The following PHLPP1 variants were observed in gnomAD, a reference collection of about 807,000 sequenced individuals.
PHLPP1 encodes the protein PH domain and leucine rich repeat protein phosphatase 1, also known as PH domain leucine-rich repeat-containing protein phosphatase 1.
PHLPP1 carries 42 observed loss-of-function variants against 117.2 expected under a neutral mutation model. The observed-to-expected ratio is 0.36, with a 90% CI of 0.28 to 0.46. PHLPP1 has a LOEUF of 0.46. Among genes scored for constraint, PHLPP1 ranks in the 20% least tolerant of loss-of-function variants. The probability of loss-of-function intolerance (pLI) is 1.00; values close to 1 mark genes in which losing one functional copy is unlikely to be tolerated. For synonymous variants in PHLPP1, 1,042 were observed against 970.7 expected (o/e 1.07, Z -1.37); for missense variants, 2,084 against 2,241.9 (o/e 0.93, Z 1.42).
At chr18:62,871,652 T>TTG (rs1915906875) in intron 4 of PHLPP1, among the ~76,000 whole-genome samples, 1 of 149,636 alleles carries the variant, frequency 6.7e-6, no homozygotes, top group Non-Finnish European at 1.5e-5. Context: ...AAATTTTTTT[T>TTG]TTTTTTTTTT....
At chr18:62,775,909 TC>T in intron 1 of PHLPP1, among the ~76,000 whole-genome samples, 1 of 152,244 alleles carries the variant, frequency 6.6e-6, no homozygotes, top group South Asian at 2.1e-4. Flanking sequence ...CACTAGAGAT[TC>T]GTTTGCATTT....
chr18:62,851,675 G>C (rs1915353991), intron 3 of PHLPP1, among the ~76,000 whole-genome samples: 1 of 151,968 alleles, frequency 6.6e-6, no homozygotes, highest in East Asian at 1.9e-4. Context: ...TGGTCAGACT[G>C]GTCTCAAACT....
intron 1 of PHLPP1, among the ~76,000 whole-genome samples, chr18:62,746,913 G>T (rs563750192): frequency 2.7e-4 from 41 of 152,138 alleles, no homozygotes; most frequent in African/African-American, 8.2e-4. Flanking sequence ...AAATTCAAAT[G>T]TATCTAATGG....
intron 1 of PHLPP1, among the ~76,000 whole-genome samples, chr18:62,735,151 C>T (rs916313241): frequency 2.0e-4 from 30 of 151,868 alleles, no homozygotes; most frequent in African/African-American, 5.3e-4. Context: ...CTCAAGGCAT[C>T]CTTCCACCTC....
At chr18:62,850,187 A>C (rs187375989) in intron 3 of PHLPP1, among the ~76,000 whole-genome samples, 1 of 151,344 alleles carries the variant, frequency 6.6e-6, no homozygotes, top group South Asian at 2.1e-4. Flanking sequence ...CAGGAGTTTG[A>C]GACCAGCCTG....
rs746927706 is a variant in PHLPP1, at chr18:62,716,910, G to A, written c.1227G>A (p.Thr409=). The part of the protein sequence containing the change: ...HPAQPLPLPQ[T]ASSPQPQQKA... ...CGCAGCCCCTCCCGCTTCCCCAGAC[G>A]GCTTCCTCGCCTCAGCCGCAGCAGA... The change falls in exon 1 of 17, where the codon ACG becomes ACA. Residue 409 remains threonine (T), a synonymous_variant. Coordinates refer to ENST00000262719, the MANE Select transcript of PHLPP1 (RefSeq NM_194449.4). The surrounding 1 kb of genome is among the most constrained non-coding windows in gnomAD (Gnocchi z 5.7). 1,015 of 1,532,408 alleles carry A rather than the reference G, an allele frequency of 6.6e-4. 2 individuals carry two copies. The highest frequency in any genetic ancestry group is 8.4e-4 in the Non-Finnish European group (965 of 1,144,978). The allele number at this position is 1,532,408 out of a possible 1,614,324, so 94.9% of individuals were successfully genotyped here. A position where few individuals can be genotyped will look rare whatever the true frequency, so the allele number is the denominator to read the frequency against.
chr18:62,790,243 T>C (rs1913418015), intron 1 of PHLPP1, among the ~76,000 whole-genome samples: 1 of 152,146 alleles, frequency 6.6e-6, no homozygotes, highest in Non-Finnish European at 1.5e-5. Flanking sequence ...AAAAGACCTC[T>C]AAGCAGCCCA....
chr18:62,973,182 C>G (rs1413295569), intron 15 of PHLPP1, among the ~76,000 whole-genome samples: 3 of 152,196 alleles, frequency 2.0e-5, no homozygotes, highest in Non-Finnish European at 4.4e-5. Flanking sequence ...GATTTTAGCC[C>G]AAGAGTTAAA....
chr18:62,844,329 A>T (rs938714929), intron 3 of PHLPP1, among the ~76,000 whole-genome samples: 5 of 152,164 alleles, frequency 3.3e-5, no homozygotes, highest in African/African-American at 1.2e-4. Context: ...ACAGAGCAAG[A>T]TTTCATCTCA....
intron 3 of PHLPP1, among the ~76,000 whole-genome samples, chr18:62,849,832 A>AAAAAAAATATATATATATATAT (rs1555677083): frequency 3.0e-5 from 1 of 33,092 alleles, no homozygotes; most frequent in Non-Finnish European, 5.3e-5. Context: ...AAAAAAAAAA[A>AAAAAAAATATATATATATATAT]ATATATATAT....
At chr18:62,864,763 A>G (rs1042300690) in intron 4 of PHLPP1, among the ~76,000 whole-genome samples, 2 of 152,226 alleles carry the variant, frequency 1.3e-5, no homozygotes, top group African/African-American at 4.8e-5. Flanking sequence ...AATACTGATC[A>G]GGATTTTTAC....
At chr18:62,745,863 G>C (rs192466247) in intron 1 of PHLPP1, among the ~76,000 whole-genome samples, 277 of 152,242 alleles carry the variant, frequency 1.8e-3, no homozygotes, top group African/African-American at 6.5e-3. Flanking sequence ...CAATCTGGAG[G>C]AAAACTATAA....
intron 10 of PHLPP1, among the ~76,000 whole-genome samples, chr18:62,939,923 C>T (rs1489297472): frequency 6.6e-6 from 1 of 150,720 alleles, no homozygotes; most frequent in Non-Finnish European, 1.5e-5. Flanking sequence ...TAACAGATGG[C>T]AGAATAGTCC....
At chr18:62,923,389 C>T (rs1909533627) in intron 10 of PHLPP1, among the ~76,000 whole-genome samples, 1 of 152,300 alleles carries the variant, frequency 6.6e-6, no homozygotes, top group South Asian at 2.1e-4. Context: ...CATACTCCTG[C>T]ACCTTTGTTT....
chr18:62,927,272 AAAC>A (rs1322627595), intron 10 of PHLPP1, among the ~76,000 whole-genome samples: 2 of 152,176 alleles, frequency 1.3e-5, no homozygotes, highest in African/African-American at 4.8e-5. Flanking sequence ...AAACTTGTAA[AAAC>A]AACCTGATAC....
intron 3 of PHLPP1, among the ~76,000 whole-genome samples, chr18:62,857,934 T>A (rs1915538700): frequency 6.6e-6 from 1 of 152,212 alleles, no homozygotes; most frequent in Admixed American, 6.5e-5. Context: ...AAACTCACTT[T>A]CTATAAACAG....
chr18:62,757,752 C>T (rs1210353752), intron 1 of PHLPP1, among the ~76,000 whole-genome samples: 1 of 152,210 alleles, frequency 6.6e-6, no homozygotes, highest in African/African-American at 2.4e-5. Flanking sequence ...TTACCTTGGG[C>T]CACCCTTGTG....
At chr18:62,803,547 G>A (rs1913847514) in intron 1 of PHLPP1, among the ~76,000 whole-genome samples, 1 of 152,128 alleles carries the variant, frequency 6.6e-6, no homozygotes, top group Non-Finnish European at 1.5e-5. Context: ...TTGCTATGTA[G>A]TTTTACATTG....
In PHLPP1 at chr18:62,929,261, A is replaced by G. The variant is rs528543528; in HGVS notation, c.2960+9147A>G. Among the ~76,000 whole-genome samples the G allele has an allele frequency of 2.6e-5, 4 of 152,332 alleles. No homozygotes were observed. The East Asian group carries it at 7.7e-4, about 29-fold the overall frequency. ...TAAGTCTGATTCAAAGCCTGTAGTC[A>G]CATGTAGCTTTTTAGGTATACACAC... On this transcript the variant is annotated intron_variant, in intron 10 of 16. Coordinates refer to ENST00000262719, the MANE Select transcript of PHLPP1 (RefSeq NM_194449.4).
Sources: allele counts gnomAD v4.1 joint callset (sites outside exome capture counted in the v4.1 genomes callset), GRCh38; gene constraint gnomAD v4.1.1; non-coding constraint Gnocchi (gnomAD v3.1); transcripts MANE v1.5; gene names NCBI Gene and HGNC (gene_info 2026-07-23, HGNC 2026-07-21).